The following NRCAM variants were observed in gnomAD, a reference collection of about 807,000 sequenced individuals.
NRCAM encodes NgCAM-related cell adhesion molecule.
NRCAM carries 83 observed loss-of-function variants against 156.5 expected under a neutral mutation model. The ratio of observed to expected loss-of-function variants is 0.53; its 90% CI spans 0.44 to 0.64. The LOEUF (loss-of-function observed/expected upper bound fraction) is 0.64, where lower values mean the gene tolerates loss of function less well. Among genes scored for constraint, NRCAM ranks in the 30% least tolerant of loss-of-function variants. NRCAM has a pLI of 0.00. For missense variants in NRCAM, 1,417 were observed against 1,597.3 expected, an observed-to-expected ratio of 0.89 and a Z score of 1.92; for synonymous variants, 538 against 563.9, an observed-to-expected ratio of 0.95 and a Z score of 0.65.
chr7:108,370,619 T>A (rs1327060681), intron 2 of NRCAM, among the ~76,000 whole-genome samples: 1 of 152,110 alleles, frequency 6.6e-6, no homozygotes, highest in Non-Finnish European at 1.5e-5. Flanking sequence ...ATTTAACTCA[T>A]TGGCCCCGAT....
intron 30 of NRCAM, among the ~76,000 whole-genome samples, chr7:108,161,450 G>A (rs1375865972): frequency 6.6e-6 from 1 of 152,206 alleles, no homozygotes; most frequent in Non-Finnish European, 1.5e-5. Flanking sequence ...ATTCAGACAT[G>A]CCCATGCAGA....
At chr7:108,196,833 T>C (rs564925517) in intron 14 of NRCAM, among the ~76,000 whole-genome samples, 28 of 152,280 alleles carry the variant, frequency 1.8e-4, no homozygotes, top group Middle Eastern at 3.4e-3. Context: ...GATCCAACAA[T>C]GCCATTAATG....
chr7:108,287,430 C>T (rs1434306022), intron 3 of NRCAM, among the ~76,000 whole-genome samples: 1 of 151,920 alleles, frequency 6.6e-6, no homozygotes, highest in African/African-American at 2.4e-5. Flanking sequence ...AACAATGCAT[C>T]CAACAAAGGC....
At chr7:108,261,319 CTT>C (rs957924192) in intron 3 of NRCAM, among the ~76,000 whole-genome samples, 3 of 152,210 alleles carry the variant, frequency 2.0e-5, no homozygotes, top group Admixed American at 1.3e-4. Context: ...GCACTGCTCT[CTT>C]TGTTTTCAGC....
intron 11 of NRCAM, among the ~76,000 whole-genome samples, chr7:108,216,081 CAGG>C (rs1297974966): frequency 6.6e-6 from 1 of 152,172 alleles, no homozygotes; most frequent in African/African-American, 2.4e-5. Context: ...GTGCTTCCTT[CAGG>C]AGATCTTGTA....
chr7:108,160,629 A>T, intron 30 of NRCAM, 137 bp from the exon 31 acceptor site: 1 of 604,866 alleles, frequency 1.7e-6, no homozygotes, highest in Non-Finnish European at 2.7e-6. Context: ...AGGATCTGTC[A>T]ATTATTAATC....
At chr7:108,315,904 T>C (rs538369820) in intron 2 of NRCAM, among the ~76,000 whole-genome samples, 2 of 152,228 alleles carry the variant, frequency 1.3e-5, no homozygotes, top group Non-Finnish European at 2.9e-5. Flanking sequence ...TGTAGACTGA[T>C]GCAAACATCC....
At chr7:108,163,562 CA>C (rs978399069) in intron 30 of NRCAM, among the ~76,000 whole-genome samples, 2 of 152,196 alleles carry the variant, frequency 1.3e-5, no homozygotes, top group African/African-American at 4.8e-5. Flanking sequence ...AGACAACTGA[CA>C]AAAAAGCTGT....
intron 1 of NRCAM, among the ~76,000 whole-genome samples, chr7:108,417,286 C>A (rs1382758382): frequency 6.6e-6 from 1 of 152,144 alleles, no homozygotes; most frequent in South Asian, 2.1e-4. Context: ...TTTATTGGCT[C>A]ACAATTCTGG....
chr7:108,267,871 A>G (rs1040912306), intron 3 of NRCAM, among the ~76,000 whole-genome samples: 20 of 152,234 alleles, frequency 1.3e-4, no homozygotes, highest in African/African-American at 4.8e-4. Flanking sequence ...TATTTTCCCT[A>G]GGGCAGTTAT....
intron 2 of NRCAM, among the ~76,000 whole-genome samples, chr7:108,374,749 A>G (rs1338861089): frequency 6.6e-6 from 1 of 152,152 alleles, no homozygotes; most frequent in Non-Finnish European, 1.5e-5. Context: ...ATGTGATGAA[A>G]CAGGTGCCAT....
intron 1 of NRCAM, among the ~76,000 whole-genome samples, chr7:108,451,410 CA>C (rs59261989): frequency 6.6e-6 from 1 of 150,758 alleles, no homozygotes. Flanking sequence ...AACGATGTCT[CA>C]AAAAAAAATA....
chr7:108,254,915 A>C (rs1183755379), intron 3 of NRCAM, among the ~76,000 whole-genome samples: 1 of 152,204 alleles, frequency 6.6e-6, no homozygotes, highest in Non-Finnish European at 1.5e-5. Flanking sequence ...CTTTTACCTA[A>C]GAGTAATGAA....
intron 32 of NRCAM, among the ~76,000 whole-genome samples, chr7:108,155,101 T>TATATAC (rs1270777439): frequency 1.7e-3 from 211 of 123,094 alleles, no homozygotes; most frequent in Middle Eastern, 4.3e-3. Context: ...TATATATATA[T>TATATAC]ACACACACAC....
intron 1 of NRCAM, among the ~76,000 whole-genome samples, chr7:108,439,027 G>A (rs1162841698): frequency 2.0e-5 from 3 of 152,062 alleles, no homozygotes; most frequent in Non-Finnish European, 4.4e-5. Context: ...TGATATTAAG[G>A]TAGCAATTCT....
At chr7:108,438,804 T>C (rs1046726146) in intron 1 of NRCAM, among the ~76,000 whole-genome samples, 3 of 152,142 alleles carry the variant, frequency 2.0e-5, no homozygotes, top group Non-Finnish European at 4.4e-5. Context: ...ATACAGGATG[T>C]AAGGTCAATT....
chr7:108,274,791 G>A (rs962464137), intron 3 of NRCAM, among the ~76,000 whole-genome samples: 4 of 152,156 alleles, frequency 2.6e-5, no homozygotes, highest in Non-Finnish European at 5.9e-5. Flanking sequence ...TAGGAGTGGC[G>A]ACAGACGGCA....
At chr7:108,446,244 C>A (rs1009139847) in intron 1 of NRCAM, among the ~76,000 whole-genome samples, 2 of 152,210 alleles carry the variant, frequency 1.3e-5, no homozygotes, top group Admixed American at 6.5e-5. Context: ...AATGATTTCA[C>A]CTGCTTGCTC....
At chr7:108,253,270 C>A (rs1362173242) in intron 3 of NRCAM, among the ~76,000 whole-genome samples, 1 of 152,204 alleles carries the variant, frequency 6.6e-6, no homozygotes, top group Non-Finnish European at 1.5e-5. Flanking sequence ...TAACTAAATG[C>A]AAAACAATGT....
Sources: gnomAD v4.1 joint callset for allele counts (sites outside exome capture counted in the v4.1 genomes callset) on GRCh38, gnomAD v4.1.1 for gene constraint, MANE v1.5 for transcripts, NCBI Gene and HGNC (gene_info 2026-07-23, HGNC 2026-07-21) for gene names.